Variants in MAN1A2 observed in about 807,000 individuals in gnomAD.
The protein encoded by MAN1A2 is mannosidase alpha class 1A member 2, also known as mannosyl-oligosaccharide 1,2-alpha-mannosidase IB.
MAN1A2 carries 26 observed loss-of-function variants against 75.7 expected under a neutral mutation model. That is an observed-to-expected ratio of 0.34 (90% CI 0.25 to 0.48). The LOEUF is 0.48. Ranked by LOEUF, MAN1A2 falls within the 20% of genes least tolerant of loss-of-function variation. The pLI, the probability that MAN1A2 is intolerant of heterozygous loss-of-function variation, is 0.99. For synonymous variants in MAN1A2, 247 were observed against 264.6 expected (o/e 0.93, Z 0.65); for missense variants, 562 against 775.5 (o/e 0.72, Z 3.27).
At chr1:117,487,815 T>G (rs2101867494) in intron 8 of MAN1A2, among the ~76,000 whole-genome samples, 1 of 152,246 alleles carries the variant, frequency 6.6e-6, no homozygotes, top group South Asian at 2.1e-4. Flanking sequence ...CTATCTACTC[T>G]ATTCATTTCT....
At chr1:117,424,725 C>G (rs1467453855) in intron 5 of MAN1A2, among the ~76,000 whole-genome samples, 1 of 152,162 alleles carries the variant, frequency 6.6e-6, no homozygotes, top group Non-Finnish European at 1.5e-5. Context: ...TACATACAAA[C>G]AGTAGGTCTG....
chr1:117,491,858 G>GT (rs1650891478), intron 8 of MAN1A2, among the ~76,000 whole-genome samples: 1 of 152,054 alleles, frequency 6.6e-6, no homozygotes, highest in Non-Finnish European at 1.5e-5. Flanking sequence ...AGTGGAGGAA[G>GT]TAACTGTAGA....
intron 5 of MAN1A2, among the ~76,000 whole-genome samples, chr1:117,434,571 A>G (rs1245685779): frequency 3.3e-5 from 5 of 152,202 alleles, no homozygotes; most frequent in Non-Finnish European, 1.5e-5. Context: ...TGTAGTAGAA[A>G]ATATTTGAAA....
At chr1:117,491,614 C>T (rs1570788243) in intron 8 of MAN1A2, among the ~76,000 whole-genome samples, 1 of 152,182 alleles carries the variant, frequency 6.6e-6, no homozygotes, top group African/African-American at 2.4e-5. Context: ...GTGATTCAGA[C>T]TCTCAAGTCT....
At chr1:117,502,823 G>T (rs1169214171) in intron 11 of MAN1A2, 32 bp from the exon 12 acceptor site, 8 of 1,133,110 alleles carry the variant, frequency 7.1e-6, no homozygotes, top group Middle Eastern at 3.9e-4. Flanking sequence ...AAATTCTACG[G>T]AATTGCTTAT....
At chr1:117,464,716 T>A (rs886205412) in intron 7 of MAN1A2, among the ~76,000 whole-genome samples, 1 of 152,120 alleles carries the variant, frequency 6.6e-6, no homozygotes, top group African/African-American at 2.4e-5. Context: ...ACAAGCTGTT[T>A]GCGCCTGCGA....
chr1:117,414,691 AT>A (rs762100556), intron 3 of MAN1A2, 21 bp from the exon 4 acceptor site: 16 of 1,287,888 alleles, frequency 1.2e-5, no homozygotes, highest in South Asian at 1.1e-4. Context: ...TTTAATGATA[AT>A]TTTTTTCTTC....
rs1420678576 is a variant in MAN1A2 at position 117,526,953 on chromosome 1, A to G, written c.*3996A>G. ...ATGAGAGATCAAGATCTATATATGT[A>G]TATAAATACAATTATACACAGATAA... On this transcript the variant is annotated 3_prime_UTR_variant, in exon 13 of 13. Transcript: ENST00000356554. The G allele has an allele frequency of 6.9e-6, 1 of 144,816 alleles. No homozygotes were observed. The highest frequency in any genetic ancestry group is 2.5e-5 in the African/African-American group (1 of 40,462). 9.0% of individuals were successfully genotyped at this position (144,816 alleles called of 1,614,324 possible). A position where few individuals can be genotyped will look rare whatever the true frequency, so the allele number is the denominator to read the frequency against.
intron 5 of MAN1A2, among the ~76,000 whole-genome samples, chr1:117,440,894 T>C (rs1649009844): frequency 6.6e-6 from 1 of 152,178 alleles, no homozygotes; most frequent in South Asian, 2.1e-4. Flanking sequence ...TAAGGTAACT[T>C]GTGTTTACTA....
At chr1:117,513,107 C>G (rs1378182936) in intron 12 of MAN1A2, among the ~76,000 whole-genome samples, 2 of 152,094 alleles carry the variant, frequency 1.3e-5, no homozygotes, top group African/African-American at 2.4e-5. Context: ...ATTTGGCAGT[C>G]AGTTCTACCC....
chr1:117,489,086 C>T (rs559392731), intron 8 of MAN1A2, among the ~76,000 whole-genome samples: 2 of 152,130 alleles, frequency 1.3e-5, no homozygotes, highest in South Asian at 2.1e-4. Context: ...TATAGATTCA[C>T]CCTGATTCTC....
At chr1:117,429,765 C>T in intron 5 of MAN1A2, among the ~76,000 whole-genome samples, 1 of 115,310 alleles carries the variant, frequency 8.7e-6, no homozygotes, top group Non-Finnish European at 1.9e-5. Flanking sequence ...GGGGCTGACC[C>T]CCCCACCTCC....
intron 7 of MAN1A2, among the ~76,000 whole-genome samples, chr1:117,465,482 T>C (rs1649953542): frequency 6.6e-6 from 1 of 152,140 alleles, no homozygotes; most frequent in Non-Finnish European, 1.5e-5. Flanking sequence ...TCCAGCCAAA[T>C]GAATGACGAT....
chr1:117,518,872 C>T (rs190898433), intron 12 of MAN1A2, among the ~76,000 whole-genome samples: 51 of 152,062 alleles, frequency 3.4e-4, no homozygotes, highest in African/African-American at 7.7e-4. Flanking sequence ...ATCCAATAAC[C>T]GCAGAATACA....
At chr1:117,458,504 T>G (rs12063921) in intron 6 of MAN1A2, among the ~76,000 whole-genome samples, 4 of 101,826 alleles carry the variant, frequency 3.9e-5, no homozygotes, top group African/African-American at 1.7e-4. Flanking sequence ...TATCTATATA[T>G]ATATATAGAT....
At chr1:117,505,947 T>C (rs1651348011) in intron 12 of MAN1A2, among the ~76,000 whole-genome samples, 1 of 151,480 alleles carries the variant, frequency 6.6e-6, no homozygotes, top group Non-Finnish European at 1.5e-5. Context: ...AATATTTATT[T>C]TGTTTGAAAC....
intron 1 of MAN1A2, among the ~76,000 whole-genome samples, chr1:117,401,612 G>A (rs1484770433): frequency 6.6e-6 from 1 of 152,124 alleles, no homozygotes; most frequent in Non-Finnish European, 1.5e-5. Flanking sequence ...TCATGATACA[G>A]ATTCATGGGT....
At chr1:117,398,629 G>A (rs935532875) in intron 1 of MAN1A2, among the ~76,000 whole-genome samples, 1 of 151,170 alleles carries the variant, frequency 6.6e-6, no homozygotes, top group Admixed American at 6.6e-5. Context: ...AGCCGAGATC[G>A]TGCCACTGCA....
chr1:117,500,052 A>G (rs890341223), intron 11 of MAN1A2, among the ~76,000 whole-genome samples: 2 of 151,840 alleles, frequency 1.3e-5, no homozygotes, highest in Non-Finnish European at 2.9e-5. Context: ...GACATCCCAA[A>G]TGAGGTCAGT....
Sources: gnomAD v4.1 joint callset for allele counts (sites outside exome capture counted in the v4.1 genomes callset) on GRCh38, gnomAD v4.1.1 for gene constraint, MANE v1.5 for transcripts, NCBI Gene and HGNC (gene_info 2026-07-23, HGNC 2026-07-21) for gene names.